DYSF: variants seen among roughly 807,000 people sequenced by gnomAD.
The protein encoded by DYSF is dysferlin, also known as dystrophy-associated fer-1-like 1.
DYSF carries 212 observed loss-of-function variants against 274.9 expected under a neutral mutation model. The observed-to-expected ratio is 0.77, with a 90% confidence interval of 0.69 to 0.86. DYSF has a LOEUF of 0.86. Among genes scored for constraint, DYSF ranks in the 40% least tolerant of loss-of-function variants. The probability of loss-of-function intolerance (pLI) is 0.00; values close to 1 mark genes in which losing one functional copy is unlikely to be tolerated. For missense variants in DYSF, 2,666 were observed against 2,783.2 expected (o/e 0.96, Z 0.95); for synonymous variants, 1,091 against 1,078.7 (o/e 1.01, Z -0.22).
intron 36 of DYSF, among the ~76,000 whole-genome samples, chr2:71,604,498 C>T (rs564472076): frequency 6.6e-6 from 1 of 152,300 alleles, no homozygotes; most frequent in Admixed American, 6.5e-5. Context: ...CTCCTGAGCC[C>T]CTGGCCATGG....
At chr2:71,513,509 G>A (rs1394928929) in intron 6 of DYSF, among the ~76,000 whole-genome samples, 177 bp downstream of exon 6, 1 of 152,200 alleles carries the variant, frequency 6.6e-6, no homozygotes, top group Non-Finnish European at 1.5e-5. Context: ...TGGACTGACT[G>A]CCCTCAAGTT....
intron 3 of DYSF, among the ~76,000 whole-genome samples, chr2:71,490,455 T>A (rs2083753244): frequency 1.3e-5 from 2 of 152,196 alleles, no homozygotes. Flanking sequence ...TTCTCCTGCC[T>A]CAGCTTCCGG....
At chr2:71,533,916 C>T (rs768329942) in intron 14 of DYSF, among the ~76,000 whole-genome samples, 8 of 152,230 alleles carry the variant, frequency 5.3e-5, no homozygotes, top group Non-Finnish European at 1.2e-4. Context: ...TGAACTGTCT[C>T]TTCCACTCTT....
rs1159756288 is a variant in DYSF, at chr2:71,665,150, C to T, written c.5175-12C>T. The T allele has an allele frequency of 1.9e-6, 3 of 1,613,468 alleles. No individual in the cohort carries two copies. Among genetic ancestry groups the T allele is most frequent in the Admixed American group, 1.7e-5 (1 of 60,024 alleles). On this transcript the variant is annotated splice_polypyrimidine_tract_variant and intron_variant, in intron 46 of 55. Coordinates refer to ENST00000410020, the MANE Select transcript of DYSF (RefSeq NM_001130987.2). ...TGAAGCATCTCATCTATGTCTTGTGCTTGCTCCTCAGCTCTGGACCGAACC... is the reference window on the plus strand; with the variant it reads ...TGAAGCATCTCATCTATGTCTTGTGTTTGCTCCTCAGCTCTGGACCGAACC...
chr2:71,685,778 C>T (rs1371259822), intron 55 of DYSF, among the ~76,000 whole-genome samples: 1 of 152,174 alleles, frequency 6.6e-6, no homozygotes, highest in African/African-American at 2.4e-5. Context: ...CTTTCCCCAG[C>T]CGGCGCTGGG....
chr2:71,652,308 T>C (rs2094679727), intron 42 of DYSF, among the ~76,000 whole-genome samples: 1 of 152,114 alleles, frequency 6.6e-6, no homozygotes, highest in Non-Finnish European at 1.5e-5. Flanking sequence ...AAGAAACGGG[T>C]CGTTCATTTT....
chr2:71,593,631 G>A (rs1335660808), intron 32 of DYSF, among the ~76,000 whole-genome samples: 2 of 152,222 alleles, frequency 1.3e-5, no homozygotes, highest in African/African-American at 2.4e-5. Flanking sequence ...GGTAGCCTGA[G>A]CTGAGTTACT....
chr2:71,667,363 C>G lies in DYSF; in HGVS notation c.5318-13C>G. ...CCAGCTCCTGCAACTTTTTTGTCTT[C>G]TCTCTGGGGCAGAGGCTGGCAGGAT... On this transcript the variant is annotated splice_polypyrimidine_tract_variant and intron_variant, in intron 47 of 55. Transcript: ENST00000410020. 6.2e-7 allele frequency: 1 copy of G among 1,614,066 alleles called. No individual in the cohort carries two copies. Among genetic ancestry groups the G allele is most frequent in the South Asian group, 1.1e-5 (1 of 91,076 alleles).
chr2:71,630,793 C>A (rs1157472983), intron 41 of DYSF, among the ~76,000 whole-genome samples: 1 of 152,206 alleles, frequency 6.6e-6, no homozygotes, highest in Non-Finnish European at 1.5e-5. Context: ...GTCTGCTCTC[C>A]CCTGATGGTG....
At chr2:71,514,055 G>A (rs2086391720) in intron 7 of DYSF, 134 bp downstream of exon 7, 3 of 1,035,358 alleles carry the variant, frequency 2.9e-6, no homozygotes, top group South Asian at 1.4e-5. Context: ...GGGGGAATCT[G>A]TAGTTTCCCT....
At chr2:71,572,562 G>A (rs1417785566) in intron 29 of DYSF, among the ~76,000 whole-genome samples, 1 of 152,248 alleles carries the variant, frequency 6.6e-6, no homozygotes. Context: ...GGAGTGTGAG[G>A]AGCAAGGATG....
At chr2:71,617,855 G>GT (rs2093935560) in intron 40 of DYSF, among the ~76,000 whole-genome samples, 1 of 39,536 alleles carries the variant, frequency 2.5e-5, no homozygotes, top group Non-Finnish European at 6.2e-5. Flanking sequence ...GTAGAGATGG[G>GT]GTGTGTGTGT....
At position 71,507,178 on chromosome 2, in the gene DYSF, G is replaced by T. The variant is rs80094905; in HGVS notation, c.345+3859G>T. On this transcript the variant is annotated intron_variant, in intron 4 of 55. Transcript: ENST00000410020. ...CTCCGGCGGCTCCACCTCTCACAGA[G>T]ATGGTGTATAGAAGCCCCCAGGTGG... Among the ~76,000 whole-genome samples, 154 of 152,284 alleles carry T rather than the reference G, an allele frequency of 1.0e-3. 5 individuals are homozygous for T. The East Asian group carries it at 0.028, about 28-fold the overall frequency.
chr2:71,633,300 A>G (rs1410948197), intron 41 of DYSF, among the ~76,000 whole-genome samples: 1 of 152,170 alleles, frequency 6.6e-6, no homozygotes, highest in African/African-American at 2.4e-5. Flanking sequence ...ACATGTAGGC[A>G]TGAGTAATTT....
At chr2:71,685,185 G>A (rs2095341768) in intron 55 of DYSF, among the ~76,000 whole-genome samples, 2 of 152,220 alleles carry the variant, frequency 1.3e-5, no homozygotes, top group African/African-American at 4.8e-5. Context: ...GCTGTGGGCA[G>A]AAGCAGAGTG....
rs753817458 is a variant in DYSF, at chr2:71,600,750, C to G, written c.3805C>G (p.Arg1269Gly). ...GRCICQPSLERMPRLAWFPLT... is the reference protein window; with the variant it reads ...GRCICQPSLEGMPRLAWFPLT... ...CTGCATCTGTCAACCGAGTCTGGAA[C>G]GGATGCCACGGCTGGCCTGGTTCCC... is the stretch of plus-strand genomic sequence containing the variant. Residue 1269 changes from arginine (R) to glycine (G), a missense_variant, in exon 34 of 56, where the codon CGG becomes GGG. Physicochemically the swap from Arg to Gly is moderately radical, Grantham distance 125 (BLOSUM62 -2). Around this residue, in one of 3 missense-constraint regions of DYSF, gnomAD observed 1,460 missense variants for 1,502.1 expected, o/e 0.97. Coordinates refer to ENST00000410020, the MANE Select transcript of DYSF (RefSeq NM_001130987.2). 1.2e-6 allele frequency: 2 copies of G among 1,614,026 alleles called. No homozygotes were observed. The highest frequency in any genetic ancestry group is 1.7e-6 in the Non-Finnish European group (2 of 1,180,048).
At chr2:71,565,198 A>G (rs2092007335) in intron 24 of DYSF, among the ~76,000 whole-genome samples, 1 of 149,780 alleles carries the variant, frequency 6.7e-6, no homozygotes. Flanking sequence ...CTCCTCCCTC[A>G]GCCTCCTGAG....
intron 7 of DYSF, 47 bp from the exon 8 acceptor site, chr2:71,515,576 T>C: frequency 6.2e-7 from 1 of 1,613,852 alleles, no homozygotes; most frequent in Non-Finnish European, 8.5e-7. Context: ...TGGGTGGTCC[T>C]TAACTCTTCC....
intron 1 of DYSF, among the ~76,000 whole-genome samples, chr2:71,472,192 C>A (rs185712823): frequency 2.4e-3 from 372 of 152,310 alleles, no homozygotes; most frequent in African/African-American, 8.5e-3. Context: ...CTGGTGACTA[C>A]ATCTTTGGCC....
Sources: gnomAD v4.1 joint callset for allele counts (sites outside exome capture counted in the v4.1 genomes callset) on GRCh38, gnomAD v4.1.1 for gene constraint, gnomAD v4.1.1 regional missense constraint, MANE v1.5 for transcripts, NCBI Gene and HGNC (gene_info 2026-07-23, HGNC 2026-07-21) for gene names.